The following ST3GAL6 variants were observed in gnomAD, a reference collection of about 807,000 sequenced individuals.
ST3GAL6 encodes the protein ST3 beta-galactoside alpha-2,3-sialyltransferase 6, also known as type 2 lactosamine alpha-2,3-sialyltransferase.
A neutral mutation model predicts 40.5 loss-of-function variants in ST3GAL6; 31 were observed. That is an observed-to-expected ratio of 0.77 (90% CI 0.58 to 1.03). The LOEUF (loss-of-function observed/expected upper bound fraction) is 1.03. Ranked by LOEUF, ST3GAL6 falls within the 50% of genes least tolerant of loss-of-function variation. The pLI, the probability that ST3GAL6 is intolerant of heterozygous loss-of-function variation, is 0.00. For synonymous variants in ST3GAL6, 129 were observed against 136.9 expected (o/e 0.94, Z 0.40); for missense variants, 357 against 393.2 (o/e 0.91, Z 0.78).
chr3:98,742,793 G>C (rs1936209675), intron 1 of ST3GAL6, among the ~76,000 whole-genome samples: 1 of 151,234 alleles, frequency 6.6e-6, no homozygotes, highest in South Asian at 2.1e-4. Flanking sequence ...CCGCCTCCTG[G>C]GTTAAGCGAT....
exon 1 of ST3GAL6, chr3:98,732,402 G>A (rs1462961794): frequency 6.5e-6 from 1 of 154,718 alleles, no homozygotes; most frequent in Non-Finnish European, 1.4e-5. Context: ...GTGTCTTCTT[G>A]GCTGTGGAAA....
At chr3:98,790,161 A>T (rs1429692025) in intron 8 of ST3GAL6, among the ~76,000 whole-genome samples, 1 of 151,800 alleles carries the variant, frequency 6.6e-6, no homozygotes, top group Non-Finnish European at 1.5e-5. Flanking sequence ...TTGGAAGATG[A>T]TATAGGATCG....
chr3:98,738,965 C>T (rs865830989), intron 1 of ST3GAL6, among the ~76,000 whole-genome samples: 1 of 152,168 alleles, frequency 6.6e-6, no homozygotes, highest in African/African-American at 2.4e-5. Context: ...AAACAATCCT[C>T]AGCAAATTCA....
upstream of ST3GAL6, among the ~76,000 whole-genome samples, chr3:98,762,170 A>G (rs1261159755): frequency 6.6e-6 from 1 of 152,244 alleles, no homozygotes; most frequent in African/African-American, 2.4e-5. Flanking sequence ...CCAGCTTCAT[A>G]TCATTGTATT....
chr3:98,791,348 G>A (rs1190532439), intron 8 of ST3GAL6, among the ~76,000 whole-genome samples: 1 of 152,138 alleles, frequency 6.6e-6, no homozygotes, highest in African/African-American at 2.4e-5. Context: ...TTTCCCTAGA[G>A]TTAGTTTAAA....
rs535876236 is a variant in ST3GAL6 at position 98,784,940 on chromosome 3, A to G, written c.336-5A>G. On this transcript the variant is annotated splice_region_variant and splice_polypyrimidine_tract_variant and intron_variant, in intron 5 of 9. Coordinates refer to ENST00000483910, the MANE Select transcript of ST3GAL6 (RefSeq NM_001323368.2). Reference sequence around the variant, plus strand: ...CAATCTCTCACTTGTCCATCTGTCCAACAGCATACCCTGTAAAAAGTGTGT... The same window carrying G: ...CAATCTCTCACTTGTCCATCTGTCCGACAGCATACCCTGTAAAAAGTGTGT... 7 of 1,611,214 alleles carry G rather than the reference A, an allele frequency of 4.3e-6. No homozygotes were observed. Among genetic ancestry groups the G allele is most frequent in the South Asian group, 1.1e-5 (1 of 90,928 alleles).
intron 2 of ST3GAL6, 29 bp downstream of exon 2, chr3:98,768,558 ACT>A (rs1938624765): frequency 2.7e-6 from 4 of 1,505,138 alleles, no homozygotes; most frequent in Admixed American, 1.7e-5. Context: ...TTTAAAAATA[ACT>A]CTCAACCTAG....
intron 1 of ST3GAL6, among the ~76,000 whole-genome samples, chr3:98,767,450 C>T (rs1008394197): frequency 6.6e-6 from 1 of 152,076 alleles, no homozygotes; most frequent in Non-Finnish European, 1.5e-5. Context: ...AGGTTCTATA[C>T]TGCATCGCCA....
intron 4 of ST3GAL6, 133 bp downstream of exon 4, chr3:98,773,049 G>A: frequency 1.8e-6 from 1 of 557,234 alleles, no homozygotes; most frequent in Non-Finnish European, 3.2e-6. Context: ...ATTTTGGGAT[G>A]GAATGAAATG....
At chr3:98,770,983 G>C (rs1938923016) in intron 3 of ST3GAL6, 27 bp downstream of exon 3, 1 of 1,607,486 alleles carries the variant, frequency 6.2e-7, no homozygotes, top group East Asian at 2.2e-5. Context: ...AAAACCTGTG[G>C]CATACAAAAT....
At chr3:98,764,155 A>G (rs543845603) in intron 1 of ST3GAL6, among the ~76,000 whole-genome samples, 8 of 152,314 alleles carry the variant, frequency 5.3e-5, no homozygotes, top group African/African-American at 1.9e-4. Flanking sequence ...GGGTTTTTCT[A>G]TTAGGTTGGT....
intron 6 of ST3GAL6, among the ~76,000 whole-genome samples, chr3:98,787,467 A>G (rs1267030053): frequency 6.6e-6 from 1 of 152,242 alleles, no homozygotes; most frequent in Non-Finnish European, 1.5e-5. Context: ...CACAAACCCA[A>G]CAGTAGATCC....
chr3:98,784,450 A>T (rs1381979537), intron 5 of ST3GAL6: 1 of 155,804 alleles, frequency 6.4e-6, no homozygotes, highest in African/African-American at 2.4e-5. Context: ...ACACTTGTGC[A>T]GCAGAGAGCC....
intron 5 of ST3GAL6, among the ~76,000 whole-genome samples, chr3:98,778,616 G>C (rs1939777503): frequency 6.6e-6 from 1 of 152,194 alleles, no homozygotes; most frequent in African/African-American, 2.4e-5. Context: ...AGAAGTCTCA[G>C]TACTTTTGCC....
chr3:98,748,094 G>T (rs939447459), intron 1 of ST3GAL6, among the ~76,000 whole-genome samples: 1 of 152,198 alleles, frequency 6.6e-6, no homozygotes, highest in South Asian at 2.1e-4. Context: ...TTCTGGGAAT[G>T]AGACTGAAGC....
At chr3:98,732,588 C>T in intron 1 of ST3GAL6, 2 of 382,464 alleles carry the variant, frequency 5.2e-6, no homozygotes, top group South Asian at 1.1e-4. Flanking sequence ...TCCGGGAGAC[C>T]CGCAGCCTCC....
At chr3:98,735,412 C>T (rs796666781) in intron 1 of ST3GAL6, among the ~76,000 whole-genome samples, 26 of 152,274 alleles carry the variant, frequency 1.7e-4, no homozygotes, top group African/African-American at 6.0e-4. Flanking sequence ...AGGTGGTCTG[C>T]GTACTTTGCC....
intron 3 of ST3GAL6, chr3:98,771,274 C>A: frequency 1.4e-6 from 1 of 715,108 alleles, no homozygotes; most frequent in Non-Finnish European, 2.0e-6. Flanking sequence ...TTGTTGCTCT[C>A]ATGTTATTTT....
intron 1 of ST3GAL6, among the ~76,000 whole-genome samples, chr3:98,752,025 T>G (rs567993839): frequency 7.2e-5 from 11 of 152,294 alleles, no homozygotes; most frequent in South Asian, 2.1e-4. Flanking sequence ...TTAAAATAAA[T>G]ATATTCTAAC....
Sources: allele counts gnomAD v4.1 joint callset (sites outside exome capture counted in the v4.1 genomes callset), GRCh38; gene constraint gnomAD v4.1.1; transcripts MANE v1.5; gene names NCBI Gene and HGNC (gene_info 2026-07-23, HGNC 2026-07-21).